Variants in SLC25A33 observed in about 807,000 individuals in gnomAD.
SLC25A33 encodes solute carrier family 25 member 33, also known as bone marrow stromal cell mitochondrial carrier protein.
In SLC25A33, 15 loss-of-function variants were observed where a neutral mutation model predicts 35.5. The observed-to-expected ratio is 0.42, with a 90% CI of 0.28 to 0.65. The LOEUF (loss-of-function observed/expected upper bound fraction) is 0.65, where lower values mean the gene tolerates loss of function less well. Ranked by LOEUF, SLC25A33 falls within the 30% of genes least tolerant of loss-of-function variation. The probability of loss-of-function intolerance (pLI) is 0.20; values close to 1 mark genes in which losing one functional copy is unlikely to be tolerated. For missense variants in SLC25A33, 257 were observed against 398.5 expected, an observed-to-expected ratio of 0.64 and a Z score of 3.02; for synonymous variants, 136 against 148.7, an observed-to-expected ratio of 0.91 and a Z score of 0.62.
chr1:9,561,985 G>A lies in SLC25A33; in HGVS notation c.237-5299G>A, dbSNP rs113547273. On this transcript the variant is annotated intron_variant, in intron 2 of 6. Transcript: ENST00000302692. The stretch of plus-strand genomic sequence containing the variant: ...GCAATACTGTTTGAACCCGGGAGGT[G>A]GAGGTTGCAGTGAGCCGAGATCATG... 8.3e-3 allele frequency among the ~76,000 whole-genome samples: 1,262 copies of A among 151,890 alleles called. 13 individuals are homozygous for A. Among genetic ancestry groups the A allele is most frequent in the African/African-American group, 0.029 (1,183 of 41,360 alleles).
intron 2 of SLC25A33, among the ~76,000 whole-genome samples, 181 bp downstream of exon 2, chr1:9,553,986 G>A (rs1643305565): frequency 6.6e-6 from 1 of 152,176 alleles, no homozygotes; most frequent in Non-Finnish European, 1.5e-5. Flanking sequence ...GCAGCGGGGG[G>A]TCCCAGTGTA....
At chr1:9,553,578 TG>T in intron 1 of SLC25A33, 47 bp from the exon 2 acceptor site, 1 of 1,595,620 alleles carries the variant, frequency 6.3e-7, no homozygotes, top group Non-Finnish European at 8.6e-7. Flanking sequence ...CATTCCATTG[TG>T]TAGGGAATAG....
chr1:9,572,455 CA>C (rs60892593), intron 4 of SLC25A33, among the ~76,000 whole-genome samples: 38,995 of 143,656 alleles, frequency 0.27, 6,383 homozygotes, highest in African/African-American at 0.48. Context: ...ACTAAAAATA[CA>C]AAAAAAAAAA....
rs1166624719 is a variant in SLC25A33, at chr1:9,539,723, C to T, written c.32C>T (p.Thr11Met). The T allele has an allele frequency of 7.1e-6, 10 of 1,410,460 alleles. No homozygotes were observed. In the Admixed American group the frequency reaches 1.4e-4, roughly 19 times the overall value. 87.4% of individuals were successfully genotyped at this position (1,410,460 alleles called of 1,614,324 possible). MATGGQQKEN[T>M]LLHLFAGGCG... ...ACGGGCGGCCAGCAGAAGGAGAACA[C>T]GCTGCTTCACCTCTTCGCCGGCGGG... The change falls in exon 1 of 7, where the codon ACG becomes ATG. Residue 11 changes from threonine (T) to methionine (M), a missense_variant. Thr to Met is a moderately conservative substitution (Grantham distance 81, BLOSUM62 -1). Coordinates refer to ENST00000302692, the MANE Select transcript of SLC25A33 (RefSeq NM_032315.3).
intron 5 of SLC25A33, chr1:9,576,618 C>T: frequency 1.7e-6 from 1 of 587,198 alleles, no homozygotes; most frequent in Non-Finnish European, 3.3e-6. Flanking sequence ...AACTGGCTAC[C>T]GTTCGAACTG....
chr1:9,575,212 C>CAAA (rs909942057), intron 5 of SLC25A33, among the ~76,000 whole-genome samples: 28 of 58,662 alleles, frequency 4.8e-4, no homozygotes, highest in East Asian at 3.7e-3. Flanking sequence ...GACTCTGGCT[C>CAAA]AAAAAAAAAA....
chr1:9,571,623 G>GT (rs571414601), intron 4 of SLC25A33, among the ~76,000 whole-genome samples: 252 of 145,242 alleles, frequency 1.7e-3, no homozygotes, highest in Middle Eastern at 0.011. Context: ...AAACAGAAGG[G>GT]TTTTTTTTTT....
rs961835115 is a variant in SLC25A33 at position 9,585,165 on chromosome 1, A to C, written c.*2664A>C. Reference sequence around the variant, plus strand: ...TCCTTCTTGAATGAATAAATTTGATAGTAACCAATTATAATTTTAGTTTTC... The same window carrying C: ...TCCTTCTTGAATGAATAAATTTGATCGTAACCAATTATAATTTTAGTTTTC... On this transcript the variant is annotated 3_prime_UTR_variant, in exon 7 of 7. Transcript: ENST00000302692. The C allele has an allele frequency of 2.6e-5, 4 of 152,280 alleles. No homozygotes were observed. Among genetic ancestry groups the C allele is most frequent in the African/African-American group, 9.6e-5 (4 of 41,472 alleles). 9.4% of individuals were successfully genotyped at this position (152,280 alleles called of 1,614,324 possible).
intron 2 of SLC25A33, among the ~76,000 whole-genome samples, chr1:9,562,676 G>A (rs1021653153): frequency 5.3e-5 from 8 of 152,024 alleles, no homozygotes; most frequent in Middle Eastern, 3.4e-3. Flanking sequence ...CCAACATGGA[G>A]AAACCCTGTC....
chr1:9,580,132 T>C lies in SLC25A33; in HGVS notation c.661T>C (p.Ser221Pro). The change falls in exon 6 of 7, where the codon TCT becomes CCT. Residue 221 changes from serine to proline, a missense_variant. Ser to Pro is a moderately conservative substitution (Grantham distance 74). Transcript: ENST00000302692. ...KKYLKEAPLA[S>P]SANGTEKNST... ...GTATCTGAAAGAAGCTCCATTAGCC[T>C]CTTCTGCAAATGGGACTGAGAAAAA... 1 of 1,610,480 alleles carries C rather than the reference T, an allele frequency of 6.2e-7. No homozygotes were observed. Among genetic ancestry groups the C allele is most frequent in the Non-Finnish European group, 8.5e-7 (1 of 1,177,428 alleles).
intron 1 of SLC25A33, among the ~76,000 whole-genome samples, chr1:9,546,063 A>C (rs916995052): frequency 6.6e-6 from 1 of 152,088 alleles, no homozygotes; most frequent in Non-Finnish European, 1.5e-5. Context: ...ACTTCAAAGA[A>C]TATCCCTCGT....
intron 2 of SLC25A33, among the ~76,000 whole-genome samples, chr1:9,560,704 AAAAGT>A (rs1027028741): frequency 2.6e-5 from 4 of 152,112 alleles, no homozygotes; most frequent in Non-Finnish European, 5.9e-5. Context: ...TCTGTTAAAG[AAAAGT>A]ATTCTGTTAA....
intron 2 of SLC25A33, among the ~76,000 whole-genome samples, chr1:9,561,625 C>G (rs1235154189): frequency 6.6e-6 from 1 of 152,040 alleles, no homozygotes; most frequent in Non-Finnish European, 1.5e-5. Flanking sequence ...TTATGTGTAA[C>G]TATGGAGACC....
rs1394566540 is a variant in SLC25A33, at chr1:9,584,918, T to C, written c.*2417T>C. On this transcript the variant is annotated 3_prime_UTR_variant, in exon 7 of 7. Coordinates refer to ENST00000302692, the MANE Select transcript of SLC25A33 (RefSeq NM_032315.3). Reference sequence around the variant, plus strand: ...TTTTTGTGCAGACGAGGTTTTGCTATGTTGTCCAGGCTGGTCTCAGACTAC... The same window carrying C: ...TTTTTGTGCAGACGAGGTTTTGCTACGTTGTCCAGGCTGGTCTCAGACTAC... The C allele has an allele frequency of 6.8e-6, 1 of 146,782 alleles. No individual in the cohort carries two copies. Among genetic ancestry groups the C allele is most frequent in the Non-Finnish European group, 1.6e-5 (1 of 64,158 alleles). 9.1% of individuals were successfully genotyped at this position (146,782 alleles called of 1,614,324 possible).
intron 1 of SLC25A33, among the ~76,000 whole-genome samples, chr1:9,547,368 T>C (rs987057276): frequency 3.3e-5 from 5 of 151,834 alleles, no homozygotes; most frequent in Admixed American, 3.3e-4. Context: ...GCAGGAGAAT[T>C]GCTTGAACCC....
At chr1:9,568,278 CTAAA>C (rs1230307881) in intron 3 of SLC25A33, among the ~76,000 whole-genome samples, 3 of 151,712 alleles carry the variant, frequency 2.0e-5, no homozygotes, top group Admixed American at 6.6e-5. Flanking sequence ...CCCATCTCTA[CTAAA>C]AATGAAAAAT....
chr1:9,583,356 A>G lies in SLC25A33; in HGVS notation c.*855A>G, dbSNP rs559781943. 4.6e-5 allele frequency: 7 copies of G among 152,354 alleles called. No individual in the cohort carries two copies. Among genetic ancestry groups the G allele is most frequent in the East Asian group, 1.9e-4 (1 of 5,190 alleles). 9.4% of individuals were successfully genotyped at this position (152,354 alleles called of 1,614,324 possible). On this transcript the variant is annotated 3_prime_UTR_variant, in exon 7 of 7. Coordinates refer to ENST00000302692, the MANE Select transcript of SLC25A33 (RefSeq NM_032315.3). The stretch of plus-strand genomic sequence containing the variant: ...GTTCAGACTGCTGAGATGAATATAT[A>G]TAACTTTCTGAGACTCAATATTTTA...
chr1:9,580,854 C>CAAA (rs200156885), intron 6 of SLC25A33, among the ~76,000 whole-genome samples: 1,558 of 139,334 alleles, frequency 0.011, 19 homozygotes, highest in Middle Eastern at 0.044. Flanking sequence ...GACTCTGTCT[C>CAAA]AAAAAAAAAA....
At chr1:9,557,963 T>TA (rs1393610483) in intron 2 of SLC25A33, among the ~76,000 whole-genome samples, 1 of 152,192 alleles carries the variant, frequency 6.6e-6, no homozygotes, top group African/African-American at 2.4e-5. Context: ...GGACTACTTT[T>TA]AAAAAATTGT....
Sources: gnomAD v4.1 joint callset for allele counts (sites outside exome capture counted in the v4.1 genomes callset) on GRCh38, gnomAD v4.1.1 for gene constraint, MANE v1.5 for transcripts, NCBI Gene and HGNC (gene_info 2026-07-23, HGNC 2026-07-21) for gene names.